The following GPC5 variants were observed in gnomAD, a reference collection of about 807,000 sequenced individuals.
The protein encoded by GPC5 is glypican 5, also known as glypican-5.
A neutral mutation model predicts 53.9 loss-of-function variants in GPC5; 47 were observed. That is an observed-to-expected ratio of 0.87 (90% CI 0.69 to 1.11). GPC5 has a LOEUF of 1.11. GPC5 is among the 50% of genes most tolerant of loss of function. The pLI, the probability that GPC5 is intolerant of heterozygous loss-of-function variation, is 0.00. For synonymous variants in GPC5, 286 were observed against 263.3 expected (o/e 1.09, Z -0.84); for missense variants, 748 against 713.1 (o/e 1.05, Z -0.56).
At chr13:91,923,699 T>G (rs190884619) in intron 6 of GPC5, among the ~76,000 whole-genome samples, 2 of 152,298 alleles carry the variant, frequency 1.3e-5, no homozygotes, top group East Asian at 3.9e-4. Context: ...TTTATATACC[T>G]ATCTACTATC....
chr13:91,814,183 C>T (rs772106035), intron 5 of GPC5, among the ~76,000 whole-genome samples: 2 of 152,036 alleles, frequency 1.3e-5, no homozygotes, highest in Non-Finnish European at 2.9e-5. Flanking sequence ...CTGCCTGCCT[C>T]GGCCTCCCAA....
chr13:91,834,201 A>G (rs976099127), intron 5 of GPC5, among the ~76,000 whole-genome samples: 7 of 151,998 alleles, frequency 4.6e-5, no homozygotes, highest in Admixed American at 2.0e-4. Flanking sequence ...ATGTGAAGGA[A>G]CTCTTCAAGG....
At chr13:92,605,675 C>T (rs576082890) in intron 7 of GPC5, among the ~76,000 whole-genome samples, 24 of 150,194 alleles carry the variant, frequency 1.6e-4, no homozygotes, top group African/African-American at 5.7e-4. Context: ...CTGCAAGCTC[C>T]GCTTCCCGGG....
In GPC5 at chr13:92,293,031, A is replaced by C. The variant is rs149061924; in HGVS notation, c.1561+148042A>C. Among the ~76,000 whole-genome samples, 238 of 151,998 alleles carry C rather than the reference A, an allele frequency of 1.6e-3. 4 individuals are homozygous for C. The highest frequency in any genetic ancestry group is 3.4e-3 in the Middle Eastern group (1 of 294). ...TTCTGTTTCACTGGTCTATGTGTCT[A>C]TTTTTATACCAGTACCATGCTGTTT... On this transcript the variant is annotated intron_variant, in intron 7 of 7. Coordinates refer to ENST00000377067, the MANE Select transcript of GPC5 (RefSeq NM_004466.6).
intron 7 of GPC5, among the ~76,000 whole-genome samples, chr13:92,709,222 T>G (rs368270139): frequency 6.6e-6 from 1 of 151,540 alleles, no homozygotes; most frequent in Non-Finnish European, 1.5e-5. Context: ...AATTTTTTTT[T>G]TTTTTTTTGG....
intron 7 of GPC5, among the ~76,000 whole-genome samples, chr13:92,578,038 C>A (rs1317028274): frequency 6.6e-6 from 1 of 152,160 alleles, no homozygotes; most frequent in African/African-American, 2.4e-5. Flanking sequence ...GTTGTGGTTG[C>A]AAATGCTGTA....
At chr13:92,530,314 G>C (rs534113139) in intron 7 of GPC5, among the ~76,000 whole-genome samples, 5 of 152,174 alleles carry the variant, frequency 3.3e-5, no homozygotes, top group Non-Finnish European at 5.9e-5. Flanking sequence ...TTAGGGTCAG[G>C]GTGGAGGGGA....
At position 92,452,940 on chromosome 13, in the gene GPC5, G is replaced by A. The variant is rs562672124; in HGVS notation, c.1561+307951G>A. Among the ~76,000 whole-genome samples, 143 of 152,254 alleles carry A rather than the reference G, an allele frequency of 9.4e-4. No homozygotes were observed. In the Middle Eastern group the frequency reaches 0.014, roughly 14 times the overall value. ...TTCCCAGCTACTGCAATTACTTGCC[G>A]AGGGACAGAAAGGGCTGGATTTTAA... On this transcript the variant is annotated intron_variant, in intron 7 of 7. Transcript: ENST00000377067.
At chr13:92,080,789 A>C (rs1264901555) in intron 6 of GPC5, among the ~76,000 whole-genome samples, 1 of 152,224 alleles carries the variant, frequency 6.6e-6, no homozygotes, top group Non-Finnish European at 1.5e-5. Flanking sequence ...AGTATAAAAT[A>C]CAAAGAAGTT....
chr13:91,466,394 T>C (rs1215065884), intron 2 of GPC5, among the ~76,000 whole-genome samples: 1 of 152,194 alleles, frequency 6.6e-6, no homozygotes, highest in Non-Finnish European at 1.5e-5. Context: ...GGGGACGTTA[T>C]GGTCCCAAGT....
chr13:92,550,952 G>A (rs1042643100), intron 7 of GPC5, among the ~76,000 whole-genome samples: 9 of 151,798 alleles, frequency 5.9e-5, no homozygotes, highest in African/African-American at 1.9e-4. Context: ...TATCCCTACC[G>A]ATGTTTGAGT....
chr13:92,290,331 T>C (rs976520233), intron 7 of GPC5, among the ~76,000 whole-genome samples: 5 of 152,150 alleles, frequency 3.3e-5, no homozygotes, highest in African/African-American at 1.2e-4. Context: ...ACTTATATTT[T>C]TATTTATTTA....
chr13:91,960,684 A>G (rs963473798), intron 6 of GPC5, among the ~76,000 whole-genome samples: 2 of 151,928 alleles, frequency 1.3e-5, no homozygotes, highest in Non-Finnish European at 2.9e-5. Context: ...GTAAAACAAC[A>G]TGGTATGTAT....
chr13:92,545,813 G>T (rs148961928), intron 7 of GPC5, among the ~76,000 whole-genome samples: 5,167 of 152,140 alleles, frequency 0.034, 244 homozygotes, highest in African/African-American at 0.1. Context: ...GTAGATTCTG[G>T]ATATTAGCCG....
At chr13:91,497,882 A>G (rs547251368) in intron 2 of GPC5, among the ~76,000 whole-genome samples, 3 of 152,296 alleles carry the variant, frequency 2.0e-5, no homozygotes, top group Admixed American at 6.5e-5. Flanking sequence ...GCAAGGTGTG[A>G]TAATCATATC....
At chr13:91,921,787 A>AAAAG (rs61008129) in intron 6 of GPC5, among the ~76,000 whole-genome samples, 68 of 145,576 alleles carry the variant, frequency 4.7e-4, no homozygotes, top group South Asian at 6.6e-4. Flanking sequence ...TTAAAAAAAA[A>AAAAG]AAAGAAAGAA....
chr13:91,948,480 G>C (rs2039996274), intron 6 of GPC5, among the ~76,000 whole-genome samples: 3 of 151,902 alleles, frequency 2.0e-5, no homozygotes, highest in Admixed American at 2.0e-4. Flanking sequence ...CTCTCTTATG[G>C]AACCTACGGT....
At chr13:92,627,027 A>T (rs1331545962) in intron 7 of GPC5, among the ~76,000 whole-genome samples, 1 of 152,194 alleles carries the variant, frequency 6.6e-6, no homozygotes, top group Non-Finnish European at 1.5e-5. Context: ...AATCATAATA[A>T]ATATTATTTA....
chr13:92,099,736 C>G (rs946229752), intron 6 of GPC5, among the ~76,000 whole-genome samples: 22 of 152,266 alleles, frequency 1.4e-4, no homozygotes, highest in Admixed American at 7.8e-4. Context: ...GTGACCCTCC[C>G]CTCCCCAATA....
Sources: allele counts gnomAD v4.1 joint callset (sites outside exome capture counted in the v4.1 genomes callset), GRCh38; gene constraint gnomAD v4.1.1; transcripts MANE v1.5; gene names NCBI Gene and HGNC (gene_info 2026-07-23, HGNC 2026-07-21).